Variants in TAFA2 observed in about 807,000 individuals in gnomAD.
TAFA2 encodes chemokine-like protein TAFA-2.
In TAFA2, 7 loss-of-function variants were observed where a neutral mutation model predicts 18.8. The observed-to-expected ratio is 0.37, with a 90% CI of 0.21 to 0.70. The LOEUF is 0.70. Ranked by LOEUF, TAFA2 falls within the 30% of genes least tolerant of loss-of-function variation. TAFA2 has a pLI of 0.53. For synonymous variants in TAFA2, 60 were observed against 54.2 expected, an observed-to-expected ratio of 1.11 and a Z score of -0.47; for missense variants, 122 against 158.1, an observed-to-expected ratio of 0.77 and a Z score of 1.23.
At chr12:62,235,056 G>A (rs2062830505) in intron 1 of TAFA2, 2 of 626,964 alleles carry the variant, frequency 3.2e-6, no homozygotes, top group African/African-American at 1.8e-5. Flanking sequence ...AATTCCAGTG[G>A]AAGCTGAGAC....
chr12:61,762,211 T>G (rs1463841565), intron 2 of TAFA2, among the ~76,000 whole-genome samples: 1 of 152,088 alleles, frequency 6.6e-6, no homozygotes, highest in African/African-American at 2.4e-5. Context: ...GACCTTTCTA[T>G]GCAAGAAAGA....
chr12:62,156,106 G>GAAAT (rs1178637874), intron 1 of TAFA2, among the ~76,000 whole-genome samples: 1 of 151,740 alleles, frequency 6.6e-6, no homozygotes, highest in African/African-American at 2.4e-5. Flanking sequence ...AAGAAAGAAA[G>GAAAT]AAACAATCCC....
intron 2 of TAFA2, among the ~76,000 whole-genome samples, chr12:61,782,851 A>C (rs1346631838): frequency 6.6e-6 from 1 of 151,774 alleles, no homozygotes; most frequent in African/African-American, 2.4e-5. Flanking sequence ...TAGGTGAAGC[A>C]GATATAATTA....
intron 1 of TAFA2, among the ~76,000 whole-genome samples, chr12:62,098,920 G>C (rs1869067110): frequency 6.6e-6 from 1 of 152,068 alleles, no homozygotes; most frequent in Non-Finnish European, 1.5e-5. Context: ...TTAGACACCT[G>C]TGGGAAGCTT....
chr12:62,014,366 T>C (rs1880861363), intron 1 of TAFA2, among the ~76,000 whole-genome samples: 1 of 152,192 alleles, frequency 6.6e-6, no homozygotes. Flanking sequence ...CAGTGACTCA[T>C]GCCTGTAATC....
Position 61,867,215 on chromosome 12 carries a change from T to C in TAFA2, c.106+105A>G, listed in dbSNP as rs564689889. 1.1e-4 allele frequency: 79 copies of C among 726,316 alleles called. No individual in the cohort carries two copies. In the East Asian group the frequency reaches 2.0e-3, roughly 18 times the overall value. The allele number at this position is 726,316 out of a possible 1,614,324, so 45.0% of individuals were successfully genotyped here. On this transcript the variant is annotated intron_variant, in intron 2 of 4. Coordinates refer to ENST00000416284, the MANE Select transcript of TAFA2 (RefSeq NM_178539.5). ...AAAGAAAACTGCCAGGGGGAGAATC[T>C]ATACCTAGTAAAATTTAACAGACCA...
intron 1 of TAFA2, among the ~76,000 whole-genome samples, chr12:62,221,532 G>C (rs1006128176): frequency 6.6e-6 from 1 of 152,102 alleles, no homozygotes; most frequent in Non-Finnish European, 1.5e-5. Flanking sequence ...ACTCAGGATA[G>C]ATAACTCAGA....
chr12:61,926,590 A>G (rs937412769), intron 1 of TAFA2, among the ~76,000 whole-genome samples: 2 of 152,236 alleles, frequency 1.3e-5, no homozygotes, highest in African/African-American at 4.8e-5. Context: ...AACCAATTAC[A>G]AAAACCACAG....
rs1033039046 is a variant in TAFA2, at chr12:61,815,973, T to C, written c.106+51347A>G. On this transcript the variant is annotated intron_variant, in intron 2 of 4. Transcript: ENST00000416284. ...ATAATATAGGAAGGGAGAAGCACTA[T>C]AGGGAAAATAAAAAAAAGATGGTGT... 2.0e-5 allele frequency among the ~76,000 whole-genome samples: 3 copies of C among 151,324 alleles called. No homozygotes were observed. In the East Asian group the frequency reaches 5.8e-4, roughly 29 times the overall value.
chr12:61,790,057 C>T (rs1870908192), intron 2 of TAFA2, among the ~76,000 whole-genome samples: 1 of 151,630 alleles, frequency 6.6e-6, no homozygotes, highest in African/African-American at 2.4e-5. Flanking sequence ...CAAGAATTGT[C>T]TAACATACAA....
intron 2 of TAFA2, among the ~76,000 whole-genome samples, chr12:61,776,668 C>T (rs1870275276): frequency 1.3e-5 from 2 of 151,794 alleles, no homozygotes; most frequent in South Asian, 4.1e-4. Flanking sequence ...GTTTTCTGAT[C>T]TAAACTAGAT....
At chr12:61,780,083 G>A (rs943620205) in intron 2 of TAFA2, among the ~76,000 whole-genome samples, 5 of 151,674 alleles carry the variant, frequency 3.3e-5, no homozygotes, top group African/African-American at 1.2e-4. Context: ...TGAAAACAAT[G>A]TCAAATATCC....
At position 61,813,690 on chromosome 12, in the gene TAFA2, T is replaced by A. The variant is rs566133295; in HGVS notation, c.106+53630A>T. ...CACCAATTTTACTGGCTGAAACTAC[T>A]AGTGTAATATAGAAATTAAGAATAT... On this transcript the variant is annotated intron_variant, in intron 2 of 4. Transcript: ENST00000416284. Among the ~76,000 whole-genome samples the A allele has an allele frequency of 5.8e-4, 88 of 151,666 alleles. 10 individuals carry two copies. Among genetic ancestry groups the A allele is most frequent in the African/African-American group, 2.1e-3 (85 of 40,940 alleles).
At chr12:62,177,132 CA>C (rs2062519664) in intron 1 of TAFA2, among the ~76,000 whole-genome samples, 1 of 152,226 alleles carries the variant, frequency 6.6e-6, no homozygotes, top group Non-Finnish European at 1.5e-5. Context: ...GCAAAGACAA[CA>C]GGGGGGAAAC....
At chr12:62,183,428 G>A (rs1328273615) in intron 1 of TAFA2, among the ~76,000 whole-genome samples, 1 of 152,180 alleles carries the variant, frequency 6.6e-6, no homozygotes, top group African/African-American at 2.4e-5. Context: ...CTGTCAGTCA[G>A]GCTGGAGTGC....
intron 1 of TAFA2, among the ~76,000 whole-genome samples, chr12:62,109,879 C>A (rs1291483874): frequency 1.3e-5 from 2 of 152,172 alleles, no homozygotes; most frequent in Admixed American, 1.3e-4. Flanking sequence ...AGATTTGGGG[C>A]TGAGACAATG....
intron 1 of TAFA2, among the ~76,000 whole-genome samples, chr12:62,136,617 G>A (rs1481779698): frequency 1.3e-5 from 2 of 152,098 alleles, no homozygotes; most frequent in African/African-American, 2.4e-5. Context: ...CACTATATAC[G>A]CAGAGAAGTT....
intron 1 of TAFA2, among the ~76,000 whole-genome samples, chr12:62,026,277 A>G (rs1406919142): frequency 6.6e-6 from 1 of 152,164 alleles, no homozygotes; most frequent in Non-Finnish European, 1.5e-5. Context: ...ACCTGAATAG[A>G]TATCCAGTCA....
intron 2 of TAFA2, among the ~76,000 whole-genome samples, chr12:61,847,615 A>C (rs752173771): frequency 1.2e-4 from 19 of 152,220 alleles, no homozygotes; most frequent in Non-Finnish European, 2.2e-4. Context: ...TCTTCAATTA[A>C]AATGAACTTT....
Sources: allele counts gnomAD v4.1 joint callset (sites outside exome capture counted in the v4.1 genomes callset), GRCh38; gene constraint gnomAD v4.1.1; transcripts MANE v1.5; gene names NCBI Gene and HGNC (gene_info 2026-07-23, HGNC 2026-07-21).